The following BICDL2 variants were observed in gnomAD, a reference collection of about 807,000 sequenced individuals.
BICDL2 encodes the protein BICD family-like cargo adapter 2.
In BICDL2, 62 loss-of-function variants were observed where a neutral mutation model predicts 56.6. The observed-to-expected ratio is 1.10, with a 90% CI of 0.89 to 1.35. The LOEUF is 1.35. Ranked by LOEUF, BICDL2 falls within the 40% of genes most tolerant of loss-of-function variation. The probability of loss-of-function intolerance (pLI) is 0.00; values close to 1 mark genes in which losing one functional copy is unlikely to be tolerated. For missense variants in BICDL2, 808 were observed against 684.5 expected (o/e 1.18, Z -2.01); for synonymous variants, 358 against 319.8 (o/e 1.12, Z -1.27).
Position 3,030,983 on chromosome 16 carries a change from G to C in BICDL2, c.450C>G (p.Leu150=), listed in dbSNP as rs1249027964. ...GGAGGTTCTGCTCGCTGAGCTCGCT[G>C]AGGGCCCGTGCCCGTTCTCGCCCAC... The part of the protein sequence containing the change: ...QDSGRERARA[L]SELSEQNLRL... The change falls in exon 3 of 10, where the codon CTC becomes CTG. Residue 150 remains leucine, a synonymous_variant. Coordinates refer to ENST00000572449, the MANE Select transcript of BICDL2 (RefSeq NM_001369667.1). 5 of 1,553,318 alleles carry C rather than the reference G, an allele frequency of 3.2e-6. No homozygotes were observed. The Admixed American group carries it at 9.5e-5, about 29-fold the overall frequency.
rs761594479 is a variant in BICDL2, at chr16:3,029,726, C to A, written c.776G>T (p.Arg259Leu). The A allele has an allele frequency of 6.5e-7, 1 of 1,531,072 alleles. No homozygotes were observed. 94.8% of individuals were successfully genotyped at this position (1,531,072 alleles called of 1,614,324 possible). The change falls in exon 6 of 10, where the codon CGG becomes CTG. Residue 259 changes from arginine to leucine, a missense_variant. Physicochemically the swap from Arg to Leu is moderately radical, Grantham distance 102. Transcript: ENST00000572449. ...REHSLELERA[R>L]SEAGEALSAL... The stretch of plus-strand genomic sequence containing the variant: ...ACTCAGCGCCTCCCCAGCCTCTGAC[C>A]GTGCGCGTTCCAGCTGTGGACGGTC...
Position 3,035,131 on chromosome 16 carries a change from C to CCTGACTCCCTTCCCTTGT in BICDL2, c.282+66_282+83dup, listed in dbSNP as rs1955712037. On this transcript the variant is annotated intron_variant, in intron 2 of 9. Coordinates refer to ENST00000572449, the MANE Select transcript of BICDL2 (RefSeq NM_001369667.1). ...CCCCAGCTCCTCTCTCCTTCCCTTG[C>CCTGACTCCCTTCCCTTGT]CTGACTCCCTTCCCTTGTCCTCTCC... 5 of 1,266,964 alleles carry CCTGACTCCCTTCCCTTGT rather than the reference C, an allele frequency of 3.9e-6. No homozygotes were observed. In the South Asian group the frequency reaches 5.8e-5, roughly 15 times the overall value. 78.5% of individuals were successfully genotyped at this position (1,266,964 alleles called of 1,614,324 possible).
intron 5 of BICDL2, 48 bp downstream of exon 5, chr16:3,030,401 C>T (rs998009705): frequency 1.3e-6 from 2 of 1,583,670 alleles, no homozygotes; most frequent in East Asian, 2.3e-5. Context: ...GCCCTGAAGC[C>T]ATTGCTAAGG....
Position 3,029,740 on chromosome 16 carries a change from C to T in BICDL2, c.763-1G>A. ...CAGCCTCTGACCGTGCGCGTTCCAG[C>T]TGTGGACGGTCCCGCAGACGGAAGC... is the stretch of plus-strand genomic sequence containing the variant. On this transcript the variant is annotated splice_acceptor_variant, in intron 5 of 9. Coordinates refer to ENST00000572449, the MANE Select transcript of BICDL2 (RefSeq NM_001369667.1). LOFTEE classifies it high-confidence loss of function. The T allele has an allele frequency of 6.7e-7, 1 of 1,493,454 alleles. No homozygotes were observed. The highest frequency in any genetic ancestry group is 8.8e-7 in the Non-Finnish European group (1 of 1,130,018). The allele number at this position is 1,493,454 out of a possible 1,614,324, so 92.5% of individuals were successfully genotyped here.
chr16:3,031,844 C>T lies in BICDL2; in HGVS notation c.283-694G>A, dbSNP rs753007732. 7 of 283,778 alleles carry T rather than the reference C, an allele frequency of 2.5e-5. 1 individual carries two copies. Among genetic ancestry groups the T allele is most frequent in the Non-Finnish European group, 4.5e-5 (7 of 153,996 alleles). 17.6% of individuals were successfully genotyped at this position (283,778 alleles called of 1,614,324 possible). A position where few individuals can be genotyped will look rare whatever the true frequency, so the allele number is the denominator to read the frequency against. ...CATCCACTAGAGGGAGAATCACTAA[C>T]GTCCTGGGTTTACAGATGGAACAAG... On this transcript the variant is annotated intron_variant, in intron 2 of 9. Transcript: ENST00000572449.
Position 3,030,771 on chromosome 16 carries a change from GGCGTCC to G in BICDL2, c.534_539del (p.Asp179_Ala180del). Reference sequence around the variant, plus strand: ...CCTGAGCCTGGCACTGTCCCCGAAGGGCGTCCAGTTCCCTCTGAAGTTCCTGCTCAG... The same window carrying G: ...CCTGAGCCTGGCACTGTCCCCGAAGGAGTTCCCTCTGAAGTTCCTGCTCAG... On this transcript the variant is annotated inframe_deletion, in exon 4 of 10. Coordinates refer to ENST00000572449, the MANE Select transcript of BICDL2 (RefSeq NM_001369667.1). 1 of 1,612,428 alleles carries G rather than the reference GGCGTCC, an allele frequency of 6.2e-7. No individual in the cohort carries two copies. The highest frequency in any genetic ancestry group is 2.2e-5 in the East Asian group (1 of 44,878).
intron 9 of BICDL2, 30 bp from the exon 10 acceptor site, chr16:3,028,303 G>T: frequency 6.5e-7 from 1 of 1,527,952 alleles, no homozygotes; most frequent in Non-Finnish European, 8.7e-7. Flanking sequence ...GCTCAGCGCC[G>T]GTCCCGCCCC....
At chr16:3,034,462 A>G (rs1350162115) in intron 2 of BICDL2, among the ~76,000 whole-genome samples, 1 of 151,822 alleles carries the variant, frequency 6.6e-6, no homozygotes, top group Non-Finnish European at 1.5e-5. Flanking sequence ...TTGTATTTTT[A>G]GTAGAGACGG....
rs766218610 is a variant in BICDL2, at chr16:3,028,304, G to T, written c.1360-31C>A. On this transcript the variant is annotated intron_variant, in intron 9 of 9. Transcript: ENST00000572449. ...GGAGGCCGTGGTCGGCTCAGCGCCG[G>T]TCCCGCCCCTTGCCCCGCCCCGCAC... The T allele has an allele frequency of 3.9e-6, 6 of 1,536,168 alleles. No individual in the cohort carries two copies. In the South Asian group the frequency reaches 7.2e-5, roughly 18 times the overall value.
intron 2 of BICDL2, chr16:3,031,661 C>T (rs1955658041): frequency 2.5e-6 from 1 of 402,478 alleles, no homozygotes; most frequent in Non-Finnish European, 4.4e-6. Context: ...CACCCAGATG[C>T]CCAGCGTGGG....
In BICDL2 at chr16:3,029,917, T is replaced by C. The variant is rs368945768; in HGVS notation, c.763-178A>G. On this transcript the variant is annotated intron_variant, in intron 5 of 9. Coordinates refer to ENST00000572449, the MANE Select transcript of BICDL2 (RefSeq NM_001369667.1). ...CCGTGCACCTCCCTCAGCGGATATATACAGTTTCCTCGCCTATAGAGCAGG... is the reference window on the plus strand; with the variant it reads ...CCGTGCACCTCCCTCAGCGGATATACACAGTTTCCTCGCCTATAGAGCAGG... 41 of 571,908 alleles carry C rather than the reference T, an allele frequency of 7.2e-5. No homozygotes were observed. In the African/African-American group the frequency reaches 7.6e-4, roughly 11 times the overall value. The allele number at this position is 571,908 out of a possible 1,614,324, so 35.4% of individuals were successfully genotyped here. A position where few individuals can be genotyped will look rare whatever the true frequency, so the allele number is the denominator to read the frequency against.
chr16:3,030,980 G>A lies in BICDL2; in HGVS notation c.453C>T (p.Ser151=), dbSNP rs758642356. 1.9e-5 allele frequency: 29 copies of A among 1,553,248 alleles called. No individual in the cohort carries two copies. Among genetic ancestry groups the A allele is most frequent in the Non-Finnish European group, 2.3e-5 (27 of 1,155,662 alleles). ...DSGRERARAL[S]ELSEQNLRLS... is the part of the protein sequence containing the mutation. Reference sequence around the variant, plus strand: ...GCCGGAGGTTCTGCTCGCTGAGCTCGCTGAGGGCCCGTGCCCGTTCTCGCC... The same window carrying A: ...GCCGGAGGTTCTGCTCGCTGAGCTCACTGAGGGCCCGTGCCCGTTCTCGCC... The change falls in exon 3 of 10, where the codon AGC becomes AGT. Residue 151 remains serine (S), a synonymous_variant. Coordinates refer to ENST00000572449, the MANE Select transcript of BICDL2 (RefSeq NM_001369667.1).
intron 5 of BICDL2, chr16:3,029,968 C>T: frequency 1.9e-6 from 1 of 534,798 alleles, no homozygotes; most frequent in South Asian, 2.6e-5. Context: ...GCCCCATCTC[C>T]TCCCCTGCCC....
intron 2 of BICDL2, chr16:3,033,064 G>C (rs1955679192): frequency 6.6e-6 from 1 of 152,398 alleles, no homozygotes; most frequent in African/African-American, 2.4e-5. Context: ...CAGCACTTTG[G>C]GAGGCTGAGG....
At position 3,029,324 on chromosome 16, in the gene BICDL2, T is replaced by C. The variant is rs1349886897; in HGVS notation, c.1063A>G (p.Ile355Val). 6.2e-7 allele frequency: 1 copy of C among 1,603,278 alleles called. No individual in the cohort carries two copies. The highest frequency in any genetic ancestry group is 1.7e-5 in the Admixed American group (1 of 59,502). ...KKRTSLSPAE[I>V]LEEKEVEVAK... The stretch of plus-strand genomic sequence containing the variant: ...ACTTCCACCTCCTTCTCCTCCAGTA[T>C]CTCCGCTGGACTGAGGGATGTTCGC... Residue 355 changes from isoleucine to valine, a missense_variant, in exon 7 of 10, where the codon ATA becomes GTA. Transcript: ENST00000572449.
Position 3,029,562 on chromosome 16 carries a change from C to T in BICDL2, c.940G>A (p.Ala314Thr). Residue 314 changes from alanine (A) to threonine (T), a missense_variant, in exon 6 of 10, where the codon GCA (alanine) becomes ACA (threonine). Coordinates refer to ENST00000572449, the MANE Select transcript of BICDL2 (RefSeq NM_001369667.1). ...DDGDQGQGAD[A>T]PGDTPTTRSP... ...GAGCTCACCGGGGTGTCTCCGGGTGCGTCGGCGCCCTGGCCCTGGTCGCCG... is the reference window on the plus strand; with the variant it reads ...GAGCTCACCGGGGTGTCTCCGGGTGTGTCGGCGCCCTGGCCCTGGTCGCCG... 6.5e-7 allele frequency: 1 copy of T among 1,547,732 alleles called. No homozygotes were observed. The highest frequency in any genetic ancestry group is 8.7e-7 in the Non-Finnish European group (1 of 1,151,106).
Position 3,027,891 on chromosome 16 carries a change from G to T in BICDL2, c.*215C>A. 1.2e-6 allele frequency: 1 copy of T among 830,210 alleles called. No homozygotes were observed. Among genetic ancestry groups the T allele is most frequent in the Non-Finnish European group, 1.8e-6 (1 of 567,810 alleles). 51.4% of individuals were successfully genotyped at this position (830,210 alleles called of 1,614,324 possible). A position where few individuals can be genotyped will look rare whatever the true frequency, so the allele number is the denominator to read the frequency against. On this transcript the variant is annotated 3_prime_UTR_variant, in exon 10 of 10. Transcript: ENST00000572449. ...GTATATTAATTCGGAAAATAGCTCT[G>T]TTCACCTGCCCCTGCCACCCACCTG... is the stretch of plus-strand genomic sequence containing the variant.
At chr16:3,034,935 A>G (rs1447789644) in intron 2 of BICDL2, 6 of 443,506 alleles carry the variant, frequency 1.4e-5, no homozygotes, top group African/African-American at 9.8e-5. Flanking sequence ...CTGTTCTCCA[A>G]CACTGGGCTA....
intron 1 of BICDL2, 113 bp downstream of exon 1, chr16:3,036,781 A>G (rs1447380707): frequency 2.8e-6 from 1 of 353,124 alleles, no homozygotes; most frequent in Non-Finnish European, 5.5e-6. Flanking sequence ...TTCCCCGGCG[A>G]TCCCGGTTCC....
Sources: gnomAD v4.1 joint callset for allele counts (sites outside exome capture counted in the v4.1 genomes callset) on GRCh38, gnomAD v4.1.1 for gene constraint, MANE v1.5 for transcripts, NCBI Gene and HGNC (gene_info 2026-07-23, HGNC 2026-07-21) for gene names.